HERC1: variants seen among roughly 807,000 people sequenced by gnomAD.
HERC1 encodes HECT and RLD domain containing E3 ubiquitin protein ligase family member 1.
HERC1 carries 160 observed loss-of-function variants against 554.3 expected under a neutral mutation model. The ratio of observed to expected loss-of-function variants is 0.29; its 90% CI spans 0.25 to 0.33. HERC1 has a LOEUF of 0.33. HERC1 is among the 10% of genes least tolerant of loss of function. The pLI, the probability that HERC1 is intolerant of heterozygous loss-of-function variation, is 1.00. For missense variants in HERC1, 4,919 were observed against 5,918.5 expected (o/e 0.83, Z 5.54); for synonymous variants, 2,175 against 2,131.7 (o/e 1.02, Z -0.56).
At chr15:63,623,089 T>G (rs1250744276) in intron 73 of HERC1, among the ~76,000 whole-genome samples, 198 bp from the exon 74 acceptor site, 2 of 152,224 alleles carry the variant, frequency 1.3e-5, no homozygotes, top group African/African-American at 4.8e-5. Flanking sequence ...AAAGCATTCA[T>G]GTATGAAGAA....
intron 54 of HERC1, among the ~76,000 whole-genome samples, chr15:63,649,146 A>G (rs1351020436): frequency 6.6e-6 from 1 of 152,194 alleles, no homozygotes; most frequent in East Asian, 1.9e-4. Flanking sequence ...CAAGGTGAGG[A>G]GATCGAGACC....
chr15:63,689,841 A>G (rs2072004092), intron 32 of HERC1, 142 bp from the exon 33 acceptor site: 3 of 536,154 alleles, frequency 5.6e-6, no homozygotes, highest in Non-Finnish European at 3.3e-6. Flanking sequence ...TTTAGTGGTT[A>G]TAAGTTAAAT....
intron 1 of HERC1, among the ~76,000 whole-genome samples, chr15:63,807,282 T>C (rs1296788857): frequency 6.6e-6 from 1 of 152,106 alleles, no homozygotes. Flanking sequence ...TCTTCTTACT[T>C]CCAGTTGCAT....
chr15:63,747,911 G>A, intron 10 of HERC1, 53 bp from the exon 11 acceptor site: 1 of 1,497,874 alleles, frequency 6.7e-7, no homozygotes, highest in Non-Finnish European at 8.9e-7. Context: ...AAATTTTTAT[G>A]CACGATCAAA....
At position 63,764,174 on chromosome 15, in the gene HERC1, C is replaced by G. The variant is rs1376890686; in HGVS notation, c.948G>C (p.Arg316=). Residue 316 remains arginine (R), a synonymous_variant, in exon 3 of 78, where the codon CGG becomes CGC. Transcript: ENST00000443617. ...TTCTGGTTGGTTCTCTCCACTGACTCCGATCAGCAGATGAACCCTATAATT... is the reference window on the plus strand; with the variant it reads ...TTCTGGTTGGTTCTCTCCACTGACTGCGATCAGCAGATGAACCCTATAATT... The part of the protein sequence containing the change: ...MRRSLGSSAD[R]SQWREPTRTS... 3.7e-6 allele frequency: 6 copies of G among 1,609,190 alleles called. No homozygotes were observed. Among genetic ancestry groups the G allele is most frequent in the Non-Finnish European group, 5.1e-6 (6 of 1,177,414 alleles).
chr15:63,747,938 T>C (rs1262259593), intron 10 of HERC1, 80 bp from the exon 11 acceptor site: 1 of 1,401,266 alleles, frequency 7.1e-7, no homozygotes, highest in African/African-American at 1.4e-5. Flanking sequence ...AATTAAAACA[T>C]ATATTGGCTG....
intron 33 of HERC1, among the ~76,000 whole-genome samples, chr15:63,689,074 G>C (rs760928689): frequency 3.9e-5 from 6 of 152,180 alleles, no homozygotes; most frequent in Non-Finnish European, 8.8e-5. Flanking sequence ...CAAGGTAAAA[G>C]TGGCACCAAA....
chr15:63,786,857 C>G (rs1378296369), intron 1 of HERC1, among the ~76,000 whole-genome samples: 1 of 151,670 alleles, frequency 6.6e-6, no homozygotes, highest in Non-Finnish European at 1.5e-5. Flanking sequence ...CTAAATGCCA[C>G]TAAATCGCTC....
rs1386787606 is a variant in HERC1 at position 63,654,227 on chromosome 15, A to C, written c.10182T>G (p.Thr3394=). ...RQWAAQQLVR[T]LAAHDRDNQT... ...GGTTGTCACGGTCGTGTGCAGCAAG[A>C]GTGCGCACGAGTTGCTGAGCTGCCC... is the stretch of plus-strand genomic sequence containing the variant. The change falls in exon 51 of 78, where the codon ACT becomes ACG. Residue 3394 remains threonine, a synonymous_variant. Transcript: ENST00000443617. The C allele has an allele frequency of 6.2e-7, 1 of 1,613,764 alleles. No individual in the cohort carries two copies. The highest frequency in any genetic ancestry group is 1.7e-5 in the Admixed American group (1 of 60,022).
intron 24 of HERC1, among the ~76,000 whole-genome samples, chr15:63,709,291 T>G (rs962546095): frequency 1.3e-5 from 2 of 152,146 alleles, no homozygotes; most frequent in African/African-American, 4.8e-5. Context: ...GTTACAGGCA[T>G]GAGCCACTGC....
In HERC1 at chr15:63,718,660, G is replaced by A. The variant is rs771986179; in HGVS notation, c.3892C>T (p.Arg1298Cys). The change falls in exon 21 of 78, where the codon CGT (arginine) becomes TGT (cysteine). Residue 1298 changes from arginine (R) to cysteine (C), a missense_variant. Physicochemically the swap from Arg to Cys is radical, Grantham distance 180 (BLOSUM62 -3). Around this residue, in one of 11 missense-constraint regions of HERC1, gnomAD observed 1,121 missense variants for 1,244.0 expected, o/e 0.90. Transcript: ENST00000443617. The surrounding 1 kb of genome is among the most constrained non-coding windows in gnomAD (Gnocchi z 4.2). ...QPGKHLSEVYRCVYKVRSRLL... is the reference protein window; with the variant it reads ...QPGKHLSEVYCCVYKVRSRLL... ...CGACTTCGAACTTTGTATACACAAC[G>A]GTACACTTCTGATAAGTGTTTACCA... 8 of 1,600,582 alleles carry A rather than the reference G, an allele frequency of 5.0e-6. No individual in the cohort carries two copies. The highest frequency in any genetic ancestry group is 1.3e-5 in the African/African-American group (1 of 74,766).
At position 63,718,083 on chromosome 15, in the gene HERC1, GACACACACAC is replaced by G. The variant is rs34069674; in HGVS notation, c.3978+481_3978+490del. Among the ~76,000 whole-genome samples, 295 of 75,660 alleles carry G rather than the reference GACACACACAC, an allele frequency of 3.9e-3. 2 individuals carry two copies. The highest frequency in any genetic ancestry group is 0.018 in the East Asian group (87 of 4,756). 49.6% of individuals were successfully genotyped at this position (75,660 alleles called of 152,430 possible). ...AGTATTTTTAAGGCAGCTATTATGT[GACACACACAC>G]ACACACACACACACACACACACACA... is the stretch of plus-strand genomic sequence containing the variant. On this transcript the variant is annotated intron_variant, in intron 21 of 77. Coordinates refer to ENST00000443617, the MANE Select transcript of HERC1 (RefSeq NM_003922.4). This position sits in a 1 kb window ranked among gnomAD's most constrained non-coding sequence, Gnocchi z 4.2.
chr15:63,793,094 C>T (rs971547951), intron 1 of HERC1, among the ~76,000 whole-genome samples: 5 of 152,220 alleles, frequency 3.3e-5, no homozygotes, highest in Non-Finnish European at 5.9e-5. Context: ...AGGGCTTTCA[C>T]GCCCTCTCTG....
At chr15:63,757,930 G>A (rs1193495158) in intron 4 of HERC1, among the ~76,000 whole-genome samples, 6 of 151,338 alleles carry the variant, frequency 4.0e-5, no homozygotes, top group Non-Finnish European at 1.5e-5. Flanking sequence ...GGCTGGTCGC[G>A]AACTCCTGAC....
At chr15:63,626,260 G>A in intron 70 of HERC1, 106 bp from the exon 71 acceptor site, 2 of 1,053,392 alleles carry the variant, frequency 1.9e-6, no homozygotes, top group Admixed American at 2.5e-5. Context: ...ATTACACAAT[G>A]GACACCCATT....
At chr15:63,706,713 CTCT>C (rs1256660686) in intron 25 of HERC1, 64 bp downstream of exon 25, 3 of 758,426 alleles carry the variant, frequency 4.0e-6, no homozygotes, top group East Asian at 2.8e-5. Context: ...ATTTACTATG[CTCT>C]TTTTTTTTTT....
chr15:63,645,192 C>T lies in HERC1; in HGVS notation c.11079-95G>A, dbSNP rs375674369. 9 of 926,104 alleles carry T rather than the reference C, an allele frequency of 9.7e-6. No homozygotes were observed. The East Asian group carries it at 1.2e-4, about 12-fold the overall frequency. 57.4% of individuals were successfully genotyped at this position (926,104 alleles called of 1,614,324 possible). ...AATCAATTAAGATCTGATAGAACCA[C>T]TGCATTATTTTTTAAACTTATTTGT... is the stretch of plus-strand genomic sequence containing the variant. On this transcript the variant is annotated intron_variant, in intron 56 of 77. Coordinates refer to ENST00000443617, the MANE Select transcript of HERC1 (RefSeq NM_003922.4).
chr15:63,715,556 C>T (rs2140297231), intron 22 of HERC1, among the ~76,000 whole-genome samples: 1 of 152,238 alleles, frequency 6.6e-6, no homozygotes, highest in East Asian at 1.9e-4. Context: ...GTATGCAGAA[C>T]ACAAATAAGT....
intron 68 of HERC1, among the ~76,000 whole-genome samples, chr15:63,630,970 C>G (rs998886913): frequency 2.0e-5 from 3 of 152,148 alleles, no homozygotes; most frequent in African/African-American, 7.2e-5. Flanking sequence ...TTCAGGCCCT[C>G]AAGTTTCTTA....
Sources: gnomAD v4.1 joint callset for allele counts (sites outside exome capture counted in the v4.1 genomes callset) on GRCh38, gnomAD v4.1.1 for gene constraint, gnomAD v4.1.1 regional missense constraint, Gnocchi (gnomAD v3.1) non-coding constraint, MANE v1.5 for transcripts, NCBI Gene and HGNC (gene_info 2026-07-23, HGNC 2026-07-21) for gene names.